QTMAN: variants seen among roughly 807,000 people sequenced by gnomAD.
QTMAN encodes tRNA-queuosine alpha-mannosyltransferase.
chr2:143,947,497 T>C, the QTMAN span, among the ~76,000 whole-genome samples: 90 of 152,320 alleles, frequency 5.9e-4, no homozygotes, highest in African/African-American at 2.0e-3. Flanking sequence ...ACACTGTACA[T>C]ACAAGTTTCT....
At chr2:144,198,543 C>A in the QTMAN span, among the ~76,000 whole-genome samples, 2 of 152,144 alleles carry the variant, frequency 1.3e-5, no homozygotes, top group Non-Finnish European at 2.9e-5. Flanking sequence ...TTCCAGCATA[C>A]AGCCAAAACA....
the QTMAN span, among the ~76,000 whole-genome samples, chr2:144,095,803 T>G: frequency 6.6e-6 from 1 of 152,190 alleles, no homozygotes; most frequent in African/African-American, 2.4e-5. Flanking sequence ...TTTTCAAGAT[T>G]CTAGGCTACC....
the QTMAN span, among the ~76,000 whole-genome samples, chr2:144,084,256 C>T: frequency 6.6e-6 from 1 of 152,210 alleles, no homozygotes; most frequent in Admixed American, 6.5e-5. Context: ...CAGAAGCTAG[C>T]TCTCTTAAGC....
the QTMAN span, among the ~76,000 whole-genome samples, chr2:144,089,882 C>T: frequency 6.6e-6 from 1 of 151,834 alleles, no homozygotes; most frequent in Admixed American, 6.6e-5. Context: ...ATATACTTAA[C>T]AAGAATATAC....
At chr2:144,133,114 G>GAA in the QTMAN span, among the ~76,000 whole-genome samples, 2 of 17,798 alleles carry the variant, frequency 1.1e-4, no homozygotes, top group African/African-American at 2.3e-4. Context: ...GGAATGACTG[G>GAA]TAATATATAT....
the QTMAN span, among the ~76,000 whole-genome samples, chr2:144,321,573 G>C: frequency 1.2e-4 from 19 of 152,148 alleles, no homozygotes; most frequent in Non-Finnish European, 2.6e-4. Context: ...GGACGGATTA[G>C]CGTATGGACT....
the QTMAN span, among the ~76,000 whole-genome samples, chr2:144,284,933 CTTTTTTTT>C: frequency 2.3e-5 from 3 of 128,396 alleles, no homozygotes; most frequent in Non-Finnish European, 3.3e-5. Flanking sequence ...GGAGGCCAAA[CTTTTTTTT>C]TTTTTTTTTT....
chr2:144,079,278 C>T, the QTMAN span, among the ~76,000 whole-genome samples: 1 of 152,082 alleles, frequency 6.6e-6, no homozygotes, highest in Non-Finnish European at 1.5e-5. Flanking sequence ...AAAACAGCCA[C>T]AATGCCAGTG....
At chr2:144,131,349 A>C in the QTMAN span, among the ~76,000 whole-genome samples, 2 of 151,886 alleles carry the variant, frequency 1.3e-5, no homozygotes, top group African/African-American at 4.8e-5. Context: ...TTGTCACATC[A>C]ACTTGCCAAG....
At chr2:144,238,279 G>C in the QTMAN span, among the ~76,000 whole-genome samples, 1 of 152,182 alleles carries the variant, frequency 6.6e-6, no homozygotes, top group Non-Finnish European at 1.5e-5. Context: ...TTGTAGTGAA[G>C]GCATTTTGTT....
the QTMAN span, among the ~76,000 whole-genome samples, chr2:144,054,576 T>A: frequency 1.3e-5 from 2 of 152,186 alleles, no homozygotes; most frequent in Non-Finnish European, 2.9e-5. Context: ...AGAGATGTGA[T>A]TTAGTGTCAA....
At chr2:144,165,214 A>G in the QTMAN span, among the ~76,000 whole-genome samples, 2 of 152,000 alleles carry the variant, frequency 1.3e-5, no homozygotes, top group Non-Finnish European at 2.9e-5. Context: ...TACTAAAAAT[A>G]CAAACATTAG....
At chr2:144,318,194 AACACACACACACAC>A in the QTMAN span, among the ~76,000 whole-genome samples, 10 of 142,024 alleles carry the variant, frequency 7.0e-5, no homozygotes, top group African/African-American at 1.5e-4. Context: ...TATTTAAATA[AACACACACACACAC>A]ACACACACAC....
At chr2:143,945,283 A>C in the QTMAN span, 1 of 152,210 alleles carries the variant, frequency 6.6e-6, no homozygotes, top group Non-Finnish European at 1.5e-5. Context: ...CTTCCAAAAT[A>C]GTTCCTGAGC....
At chr2:144,247,736 C>T in the QTMAN span, among the ~76,000 whole-genome samples, 2 of 152,132 alleles carry the variant, frequency 1.3e-5, no homozygotes, top group Non-Finnish European at 2.9e-5. Flanking sequence ...AGCAGTGGCA[C>T]AATTTCAGTT....
chr2:144,189,621 T>C, the QTMAN span, among the ~76,000 whole-genome samples: 6 of 149,678 alleles, frequency 4.0e-5, no homozygotes, highest in African/African-American at 7.3e-5. Context: ...TTTCTTTTTC[T>C]TTTTTTTTTC....
the QTMAN span, among the ~76,000 whole-genome samples, chr2:144,257,521 G>C: frequency 6.6e-6 from 1 of 152,116 alleles, no homozygotes; most frequent in Admixed American, 6.6e-5. Context: ...TACTACATAG[G>C]CTCCTATGAC....
At chr2:143,999,175 G>A in the QTMAN span, among the ~76,000 whole-genome samples, 3 of 152,020 alleles carry the variant, frequency 2.0e-5, no homozygotes, top group Non-Finnish European at 4.4e-5. Context: ...GAAATGAGTA[G>A]GGCTAGGAGG....
chr2:143,947,843 TA>T, the QTMAN span, among the ~76,000 whole-genome samples: 10 of 143,810 alleles, frequency 7.0e-5, no homozygotes, highest in African/African-American at 2.6e-4. Flanking sequence ...CCAGACCAAA[TA>T]AAATTGCAGG....
Sources: gnomAD v4.1 joint callset for allele counts (sites outside exome capture counted in the v4.1 genomes callset) on GRCh38, gnomAD v4.1.1 for gene constraint, MANE v1.5 for transcripts, NCBI Gene and HGNC (gene_info 2026-07-23, HGNC 2026-07-21) for gene names.